ATP6V0A2: variants seen among roughly 807,000 people sequenced by gnomAD.
ATP6V0A2 encodes V-type proton ATPase 116 kDa subunit a 2.
Under a neutral mutation model 104.4 loss-of-function variants are expected in ATP6V0A2, and 58 were observed. The observed-to-expected ratio is 0.56, with a 90% CI of 0.45 to 0.69. ATP6V0A2 has a LOEUF of 0.69. ATP6V0A2 is among the 30% of genes least tolerant of loss of function. The pLI is 0.00. For missense variants in ATP6V0A2, 938 were observed against 1,062.9 expected (o/e 0.88, Z 1.63); for synonymous variants, 376 against 397.9 (o/e 0.95, Z 0.65).
At chr12:123,736,469 G>A (rs1956555253) in intron 8 of ATP6V0A2, among the ~76,000 whole-genome samples, 3 of 152,164 alleles carry the variant, frequency 2.0e-5, no homozygotes. Flanking sequence ...TGGGATTACA[G>A]GTGTGAGCTA....
chr12:123,756,698 A>C (rs1345035063), intron 18 of ATP6V0A2, 117 bp from the exon 19 acceptor site: 1 of 1,085,408 alleles, frequency 9.2e-7, no homozygotes, highest in South Asian at 1.4e-5. Flanking sequence ...ATGTGTGTCT[A>C]TTATTTTATG....
At chr12:123,738,830 T>C (rs1274314589) in intron 9 of ATP6V0A2, 1 of 152,232 alleles carries the variant, frequency 6.6e-6, no homozygotes, top group Non-Finnish European at 1.5e-5. Context: ...AGTTTTTTGG[T>C]TATGTAACCT....
intron 5 of ATP6V0A2, 135 bp from the exon 6 acceptor site, chr12:123,727,648 T>G: frequency 1.1e-4 from 109 of 986,110 alleles, no homozygotes; most frequent in Middle Eastern, 2.3e-4. Flanking sequence ...GACCAGCACC[T>G]GAGATGTTTT....
chr12:123,758,934 A>G lies in ATP6V0A2; in HGVS notation c.*902A>G, dbSNP rs996266001. 4 of 152,564 alleles carry G rather than the reference A, an allele frequency of 2.6e-5. No homozygotes were observed. Among genetic ancestry groups the G allele is most frequent in the African/African-American group, 9.7e-5 (4 of 41,450 alleles). The allele number at this position is 152,564 out of a possible 1,614,324, so 9.5% of individuals were successfully genotyped here. ...GGACAATGGGATAAAATGACATACA[A>G]CAAATGGTTATCCCACTTGTATATT... On this transcript the variant is annotated 3_prime_UTR_variant, in exon 20 of 20. Coordinates refer to ENST00000330342, the MANE Select transcript of ATP6V0A2 (RefSeq NM_012463.4).
intron 9 of ATP6V0A2, among the ~76,000 whole-genome samples, chr12:123,740,833 A>T (rs1254765351): frequency 6.6e-6 from 1 of 151,904 alleles, no homozygotes; most frequent in Non-Finnish European, 1.5e-5. Flanking sequence ...TGTTCCTTCT[A>T]GTTTTGTCTT....
At chr12:123,713,242 A>G (rs950927532) in intron 1 of ATP6V0A2, among the ~76,000 whole-genome samples, 1 of 151,954 alleles carries the variant, frequency 6.6e-6, no homozygotes, top group Non-Finnish European at 1.5e-5. Context: ...GAGCCCAGAC[A>G]GAGCCAGAAA....
chr12:123,726,223 T>G lies in ATP6V0A2; in HGVS notation c.459T>G (p.Pro153=), dbSNP rs759973078. The part of the protein sequence containing the change: ...VEFEPTYEEF[P]SLESDSLLDY... ...TTGAACCCACTTATGAAGAATTCCC[T>G]TCCTTAGAGAGTGATTCTTTGTTGG... The change falls in exon 5 of 20, where the codon CCT becomes CCG. Residue 153 remains proline, a synonymous_variant. Coordinates refer to ENST00000330342, the MANE Select transcript of ATP6V0A2 (RefSeq NM_012463.4). 8.1e-6 allele frequency: 13 copies of G among 1,613,520 alleles called. No individual in the cohort carries two copies. Among genetic ancestry groups the G allele is most frequent in the Middle Eastern group, 1.6e-4 (1 of 6,062 alleles).
At position 123,744,556 on chromosome 12, in the gene ATP6V0A2, C is replaced by A. The variant is rs780899560; in HGVS notation, c.1327-41C>A. 4 of 1,610,628 alleles carry A rather than the reference C, an allele frequency of 2.5e-6. No individual in the cohort carries two copies. The highest frequency in any genetic ancestry group is 2.2e-5 in the East Asian group (1 of 44,872). ...ACACCGACAGCTGTCACATGGACACCCTCCAGTAACCATATTCTGCCCCCG... is the reference window on the plus strand; with the variant it reads ...ACACCGACAGCTGTCACATGGACACACTCCAGTAACCATATTCTGCCCCCG... On this transcript the variant is annotated intron_variant, in intron 11 of 19. Coordinates refer to ENST00000330342, the MANE Select transcript of ATP6V0A2 (RefSeq NM_012463.4). The surrounding 1 kb of genome is among the most constrained non-coding windows in gnomAD (Gnocchi z 5.4).
chr12:123,757,783 G>C lies in ATP6V0A2; in HGVS notation c.2466-144G>C. On this transcript the variant is annotated intron_variant, in intron 19 of 19. Transcript: ENST00000330342. Reference sequence around the variant, plus strand: ...GGTTGGGGGTGCGGGGCAGTGTTTAGCTAAGTAAAAATATATGTGCCAAGA... The same window carrying C: ...GGTTGGGGGTGCGGGGCAGTGTTTACCTAAGTAAAAATATATGTGCCAAGA... The C allele has an allele frequency of 2.0e-5, 13 of 635,004 alleles. No homozygotes were observed. In the South Asian group the frequency reaches 2.5e-4, roughly 12 times the overall value. 39.3% of individuals were successfully genotyped at this position (635,004 alleles called of 1,614,324 possible).
intron 16 of ATP6V0A2, 69 bp from the exon 17 acceptor site, chr12:123,752,214 A>G (rs531141854): frequency 2.1e-5 from 34 of 1,598,028 alleles, no homozygotes; most frequent in Non-Finnish European, 2.8e-5. Flanking sequence ...CAAAGAAACT[A>G]TACAAGTTTG....
rs1956528196 is a variant in ATP6V0A2 at position 123,733,952 on chromosome 12, T to C, written c.675T>C (p.Phe225=). ...GGGAAGTCATAAAATGGTATGTCTT[T>C]TTAATATCCTTTTGGGGAGAGCAGA... The part of the protein sequence containing the change: ...ETGEVIKWYV[F]LISFWGEQIG... Residue 225 remains phenylalanine, a synonymous_variant, in exon 7 of 20, where the codon TTT becomes TTC. Coordinates refer to ENST00000330342, the MANE Select transcript of ATP6V0A2 (RefSeq NM_012463.4). 4.3e-6 allele frequency: 7 copies of C among 1,613,358 alleles called. No homozygotes were observed. Among genetic ancestry groups the C allele is most frequent in the South Asian group, 1.1e-5 (1 of 91,082 alleles).
At chr12:123,747,444 G>A (rs1956672901) in intron 13 of ATP6V0A2, among the ~76,000 whole-genome samples, 163 bp from the exon 14 acceptor site, 1 of 152,188 alleles carries the variant, frequency 6.6e-6, no homozygotes, top group South Asian at 2.1e-4. Flanking sequence ...CCTGGTTTAA[G>A]GAAATCAATG....
At chr12:123,745,380 G>A (rs1289195663) in intron 13 of ATP6V0A2, among the ~76,000 whole-genome samples, 1 of 152,132 alleles carries the variant, frequency 6.6e-6, no homozygotes, top group African/African-American at 2.4e-5. Context: ...TTATTATGGT[G>A]CTTATTGGGG....
At chr12:123,752,015 C>T (rs187587944) in intron 16 of ATP6V0A2, among the ~76,000 whole-genome samples, 59 of 152,080 alleles carry the variant, frequency 3.9e-4, no homozygotes, top group African/African-American at 1.2e-3. Context: ...CCCGCCACCA[C>T]GCCCTGCTAA....
intron 18 of ATP6V0A2, among the ~76,000 whole-genome samples, chr12:123,755,341 C>G (rs1956752911): frequency 6.6e-6 from 1 of 152,004 alleles, no homozygotes; most frequent in South Asian, 2.1e-4. Context: ...AGTTTGACAC[C>G]AGTCTGACCA....
At chr12:123,726,638 T>G (rs1466246519) in intron 5 of ATP6V0A2, among the ~76,000 whole-genome samples, 1 of 152,258 alleles carries the variant, frequency 6.6e-6, no homozygotes, top group Non-Finnish European at 1.5e-5. Flanking sequence ...GTTTTTTTAT[T>G]AATCATATTT....
intron 6 of ATP6V0A2, chr12:123,733,693 G>A (rs1393160358): frequency 3.7e-6 from 2 of 537,660 alleles, no homozygotes; most frequent in Admixed American, 3.2e-5. Flanking sequence ...GGGAACGCGG[G>A]TGTCGGGTGC....
intron 2 of ATP6V0A2, among the ~76,000 whole-genome samples, chr12:123,719,292 C>G (rs1472351706): frequency 2.6e-5 from 4 of 152,144 alleles, no homozygotes; most frequent in Non-Finnish European, 5.9e-5. Flanking sequence ...AAAGTCTTTA[C>G]CATCTTAGTC....
At chr12:123,735,003 T>C (rs1327090069) in intron 7 of ATP6V0A2, among the ~76,000 whole-genome samples, 1 of 152,160 alleles carries the variant, frequency 6.6e-6, no homozygotes, top group Non-Finnish European at 1.5e-5. Flanking sequence ...CATATGAAGG[T>C]GGTCCGGGAA....
Sources: allele counts gnomAD v4.1 joint callset (sites outside exome capture counted in the v4.1 genomes callset), GRCh38; gene constraint gnomAD v4.1.1; non-coding constraint Gnocchi (gnomAD v3.1); transcripts MANE v1.5; gene names NCBI Gene and HGNC (gene_info 2026-07-23, HGNC 2026-07-21).